The following NALF1 variants were observed in gnomAD, a reference collection of about 807,000 sequenced individuals.
NALF1 encodes NALCN channel auxiliary factor 1.
Under a neutral mutation model 48.4 loss-of-function variants are expected in NALF1, and 3 were observed. The ratio of observed to expected loss-of-function variants is 0.06; its 90% CI spans 0.03 to 0.16. The LOEUF (loss-of-function observed/expected upper bound fraction) is 0.16. NALF1 is among the 10% of genes least tolerant of loss of function. The pLI is 1.00. For missense variants in NALF1, 526 were observed against 571.5 expected (o/e 0.92, Z 0.81); for synonymous variants, 262 against 245.7 (o/e 1.07, Z -0.62).
intron 1 of NALF1, among the ~76,000 whole-genome samples, chr13:107,833,122 G>A (rs1015072035): frequency 4.6e-5 from 7 of 152,064 alleles, no homozygotes; most frequent in Non-Finnish European, 1.5e-5. Context: ...CTCGCTAAGT[G>A]AAGCCCTCTC....
intron 1 of NALF1, among the ~76,000 whole-genome samples, chr13:107,838,759 G>C (rs1879970797): frequency 6.6e-6 from 1 of 152,140 alleles, no homozygotes; most frequent in African/African-American, 2.4e-5. Context: ...CATGCTGTTG[G>C]AGGTTCCAGT....
chr13:107,866,885 TGGGAAACAATAATGGAGAGAGA>T lies in NALF1; in HGVS notation c.-311_-290del. 2 of 423,752 alleles carry T rather than the reference TGGGAAACAATAATGGAGAGAGA, an allele frequency of 4.7e-6. No individual in the cohort carries two copies. Among genetic ancestry groups the T allele is most frequent in the South Asian group, 3.8e-5 (1 of 26,184 alleles). The allele number at this position is 423,752 out of a possible 1,614,324, so 26.2% of individuals were successfully genotyped here. ...TCAGCCGACCCCATCCTCTGTAGAG[TGGGAAACAATAATGGAGAGAGA>T]GAGAGAGAGAGAGACGGAGGAGGCT... On this transcript the variant is annotated 5_prime_UTR_variant, in exon 1 of 3. Transcript: ENST00000375915. The surrounding 1 kb of genome is among the most constrained non-coding windows in gnomAD (Gnocchi z 4.4).
intron 1 of NALF1, among the ~76,000 whole-genome samples, chr13:107,348,153 T>TAAACAGAAAG (rs1035891752): frequency 6.6e-6 from 1 of 152,236 alleles, no homozygotes; most frequent in Non-Finnish European, 1.5e-5. Flanking sequence ...TTATTTTATT[T>TAAACAGAAAG]CAGTTCTGTG....
intron 1 of NALF1, among the ~76,000 whole-genome samples, chr13:107,717,993 C>T (rs1875871321): frequency 6.6e-6 from 1 of 152,214 alleles, no homozygotes; most frequent in African/African-American, 2.4e-5. Context: ...AGCCCTCCAC[C>T]TGCTGTTGTT....
chr13:107,341,718 T>A (rs777604695), intron 1 of NALF1, among the ~76,000 whole-genome samples: 1 of 151,340 alleles, frequency 6.6e-6, no homozygotes, highest in Admixed American at 6.6e-5. Context: ...ATAGTATATA[T>A]GGATAGAGTA....
intron 1 of NALF1, among the ~76,000 whole-genome samples, chr13:107,507,594 TAAAAA>T (rs548709767): frequency 0.011 from 988 of 86,316 alleles, 18 homozygotes; most frequent in African/African-American, 0.052. Flanking sequence ...TATTCTCCAT[TAAAAA>T]AAAAAAAAAA....
chr13:107,222,277 C>T lies in NALF1; in HGVS notation c.916-11522G>A, dbSNP rs116692325. Among the ~76,000 whole-genome samples, 929 of 152,292 alleles carry T rather than the reference C, an allele frequency of 6.1e-3. 6 individuals carry two copies. The highest frequency in any genetic ancestry group is 0.022 in the African/African-American group (901 of 41,556). ...GGCTTACTATTCCCCATAGAAACAACTATTTAACTATTAAATTATACAGAA... is the reference window on the plus strand; with the variant it reads ...GGCTTACTATTCCCCATAGAAACAATTATTTAACTATTAAATTATACAGAA... On this transcript the variant is annotated intron_variant, in intron 1 of 2. Transcript: ENST00000375915.
chr13:107,506,538 T>C (rs1875700864), intron 1 of NALF1, among the ~76,000 whole-genome samples: 1 of 152,222 alleles, frequency 6.6e-6, no homozygotes, highest in East Asian at 1.9e-4. Flanking sequence ...AAATAAAACA[T>C]GTACTTATTA....
At chr13:107,642,645 G>C (rs556599777) in intron 1 of NALF1, among the ~76,000 whole-genome samples, 1 of 152,178 alleles carries the variant, frequency 6.6e-6, no homozygotes, top group South Asian at 2.1e-4. Context: ...TTTGTGGAAG[G>C]ACAGACACCA....
chr13:107,791,609 T>G (rs1037760524), intron 1 of NALF1, among the ~76,000 whole-genome samples: 6 of 152,166 alleles, frequency 3.9e-5, no homozygotes, highest in Non-Finnish European at 8.8e-5. Context: ...TAAAAAGAAT[T>G]GTACTCAGAA....
At chr13:107,605,766 C>G (rs772307880) in intron 1 of NALF1, among the ~76,000 whole-genome samples, 1 of 152,150 alleles carries the variant, frequency 6.6e-6, no homozygotes, top group South Asian at 2.1e-4. Flanking sequence ...GGCTCAAGTC[C>G]CTGCTGCTGG....
chr13:107,443,169 A>ATCTATCTATCTATCTATCT (rs1555301322), intron 1 of NALF1, among the ~76,000 whole-genome samples: 1 of 128,312 alleles, frequency 7.8e-6, no homozygotes, highest in Admixed American at 7.9e-5. Context: ...TTTATCTAAC[A>ATCTATCTATCTATCTATCT]ATCTATCTAT....
chr13:107,413,933 T>G (rs1007315716), intron 1 of NALF1, among the ~76,000 whole-genome samples: 1 of 152,098 alleles, frequency 6.6e-6, no homozygotes, highest in African/African-American at 2.4e-5. Flanking sequence ...ATCATAGGCA[T>G]GCACCACCAC....
At chr13:107,370,769 A>G (rs917326720) in intron 1 of NALF1, among the ~76,000 whole-genome samples, 1 of 152,200 alleles carries the variant, frequency 6.6e-6, no homozygotes, top group African/African-American at 2.4e-5. Flanking sequence ...CTCACAGTTC[A>G]GCATGGCTGG....
At chr13:107,565,205 C>G (rs534417490) in intron 1 of NALF1, among the ~76,000 whole-genome samples, 1 of 148,770 alleles carries the variant, frequency 6.7e-6, no homozygotes, top group African/African-American at 2.5e-5. Context: ...CAAAAATGAC[C>G]CCAAATAAGA....
chr13:107,266,286 G>A (rs1469711084), intron 1 of NALF1, among the ~76,000 whole-genome samples: 1 of 152,110 alleles, frequency 6.6e-6, no homozygotes, highest in Non-Finnish European at 1.5e-5. Context: ...TTTACATAAA[G>A]ACCTATCCCT....
At chr13:107,767,382 C>G (rs1300370289) in intron 1 of NALF1, among the ~76,000 whole-genome samples, 1 of 152,160 alleles carries the variant, frequency 6.6e-6, no homozygotes, top group Admixed American at 6.5e-5. Context: ...GCAGCAAAGA[C>G]CGATTGTCCC....
intron 1 of NALF1, among the ~76,000 whole-genome samples, chr13:107,455,269 T>C (rs1318042856): frequency 6.6e-6 from 1 of 152,146 alleles, no homozygotes; most frequent in African/African-American, 2.4e-5. Context: ...TCTCTGGTGG[T>C]TTTCTTTATA....
chr13:107,748,812 C>T (rs1460659048), intron 1 of NALF1, among the ~76,000 whole-genome samples: 1 of 151,996 alleles, frequency 6.6e-6, no homozygotes, highest in African/African-American at 2.4e-5. Context: ...GGGTTTTACC[C>T]ACAAAGGATG....
Sources: gnomAD v4.1 joint callset for allele counts (sites outside exome capture counted in the v4.1 genomes callset) on GRCh38, gnomAD v4.1.1 for gene constraint, Gnocchi (gnomAD v3.1) non-coding constraint, MANE v1.5 for transcripts, NCBI Gene and HGNC (gene_info 2026-07-23, HGNC 2026-07-21) for gene names.